Variants in ZNRF2 observed in about 807,000 individuals in gnomAD.
ZNRF2 encodes E3 ubiquitin-protein ligase ZNRF2.
A neutral mutation model predicts 20.4 loss-of-function variants in ZNRF2; 16 were observed. That is an observed-to-expected ratio of 0.79 (90% CI 0.53 to 1.19). ZNRF2 has a LOEUF of 1.19. Among genes scored for constraint, ZNRF2 ranks in the 50% most tolerant of loss-of-function variants. ZNRF2 has a pLI of 0.00. For missense variants in ZNRF2, 363 were observed against 332.4 expected, an observed-to-expected ratio of 1.09 and a Z score of -0.72; for synonymous variants, 178 against 144.9, an observed-to-expected ratio of 1.23 and a Z score of -1.64.
At chr7:30,358,914 A>C (rs1464823949) in intron 3 of ZNRF2, among the ~76,000 whole-genome samples, 1 of 152,222 alleles carries the variant, frequency 6.6e-6, no homozygotes, top group Non-Finnish European at 1.5e-5. Context: ...AAGACAATAG[A>C]AACAACTTCA....
intron 1 of ZNRF2, 92 bp downstream of exon 1, chr7:30,285,918 C>T (rs1021081696): frequency 7.5e-7 from 1 of 1,333,246 alleles, no homozygotes; most frequent in Non-Finnish European, 9.6e-7. Flanking sequence ...CTCCTTTTCT[C>T]CTTCTGCCGG....
intron 2 of ZNRF2, among the ~76,000 whole-genome samples, chr7:30,324,551 A>G (rs561324529): frequency 6.7e-6 from 1 of 148,542 alleles, no homozygotes; most frequent in South Asian, 2.1e-4. Flanking sequence ...TCTGTCTCAA[A>G]AAAAAAAAGA....
At chr7:30,332,613 G>A (rs1799653310) in intron 2 of ZNRF2, among the ~76,000 whole-genome samples, 1 of 152,148 alleles carries the variant, frequency 6.6e-6, no homozygotes, top group Non-Finnish European at 1.5e-5. Flanking sequence ...TTATAAGTGA[G>A]AACATGGCTG....
At chr7:30,333,882 A>AT (rs1583586603) in intron 2 of ZNRF2, among the ~76,000 whole-genome samples, 1 of 152,108 alleles carries the variant, frequency 6.6e-6, no homozygotes, top group Admixed American at 6.5e-5. Flanking sequence ...TTCCTTATAG[A>AT]TTCAGGATAT....
At chr7:30,327,717 A>T (rs1799576176) in intron 2 of ZNRF2, among the ~76,000 whole-genome samples, 1 of 151,948 alleles carries the variant, frequency 6.6e-6, no homozygotes, top group Admixed American at 6.6e-5. Context: ...TAGAGTCAGG[A>T]TCTTGCTGTG....
intron 1 of ZNRF2, among the ~76,000 whole-genome samples, chr7:30,296,177 G>T (rs779770781): frequency 9.2e-5 from 14 of 152,200 alleles, no homozygotes; most frequent in Non-Finnish European, 1.8e-4. Flanking sequence ...CTAGAAAGAA[G>T]TGGTAGGTTA....
chr7:30,361,145 A>G (rs42586), intron 3 of ZNRF2, among the ~76,000 whole-genome samples: 12,035 of 152,232 alleles, frequency 0.079, 667 homozygotes, highest in African/African-American at 0.15. Context: ...GAATTAACAC[A>G]TCTGGAGTAT....
chr7:30,364,156 G>A (rs932180407), intron 4 of ZNRF2, among the ~76,000 whole-genome samples: 1 of 152,142 alleles, frequency 6.6e-6, no homozygotes, highest in East Asian at 1.9e-4. Context: ...CTGTATTGGT[G>A]GAAGATGATT....
At chr7:30,333,549 T>C (rs1338357323) in intron 2 of ZNRF2, among the ~76,000 whole-genome samples, 2 of 151,874 alleles carry the variant, frequency 1.3e-5, no homozygotes, top group Non-Finnish European at 2.9e-5. Context: ...TTTGTATTTT[T>C]AGTAGAGGCA....
Position 30,285,311 on chromosome 7 carries a change from C to A in ZNRF2, c.-47C>A. 9.4e-7 allele frequency: 1 copy of A among 1,066,194 alleles called. No homozygotes were observed. Among genetic ancestry groups the A allele is most frequent in the Non-Finnish European group, 1.1e-6 (1 of 885,392 alleles). 66.0% of individuals were successfully genotyped at this position (1,066,194 alleles called of 1,614,324 possible). On this transcript the variant is annotated 5_prime_UTR_variant, in exon 1 of 5. Coordinates refer to ENST00000323037, the MANE Select transcript of ZNRF2 (RefSeq NM_147128.4). ...GCTCCCGCGCTCGCTCCCGCCCTCCCGGCTCTCGGGGCGCAGCGCGCGGGC... is the reference window on the plus strand; with the variant it reads ...GCTCCCGCGCTCGCTCCCGCCCTCCAGGCTCTCGGGGCGCAGCGCGCGGGC...
intron 1 of ZNRF2, among the ~76,000 whole-genome samples, chr7:30,299,880 T>C (rs1046663635): frequency 2.0e-5 from 3 of 149,452 alleles, no homozygotes; most frequent in Non-Finnish European, 4.4e-5. Context: ...CCCAAGTTCA[T>C]GCCATTCTCC....
intron 1 of ZNRF2, among the ~76,000 whole-genome samples, chr7:30,288,310 A>G (rs1031317947): frequency 6.6e-6 from 1 of 152,218 alleles, no homozygotes; most frequent in Non-Finnish European, 1.5e-5. Context: ...AATTAGTGGA[A>G]AGTTCGTATT....
At chr7:30,288,110 A>G (rs1247391750) in intron 1 of ZNRF2, among the ~76,000 whole-genome samples, 1 of 152,194 alleles carries the variant, frequency 6.6e-6, no homozygotes, top group Non-Finnish European at 1.5e-5. Context: ...CAATAGAAGC[A>G]TGTTTCTCAT....
Position 30,286,887 on chromosome 7 carries a change from A to ATAT in ZNRF2, c.469+1063_469+1065dup, listed in dbSNP as rs1308976163. Among the ~76,000 whole-genome samples the ATAT allele has an allele frequency of 2.6e-5, 4 of 152,322 alleles. No individual in the cohort carries two copies. The East Asian group carries it at 7.7e-4, about 29-fold the overall frequency. On this transcript the variant is annotated intron_variant, in intron 1 of 4. Coordinates refer to ENST00000323037, the MANE Select transcript of ZNRF2 (RefSeq NM_147128.4). ...ACATTTTTGTGCCGCTTTTACTTAT[A>ATAT]TATTTGTAAACGTAGGAACTTTGGA... is the stretch of plus-strand genomic sequence containing the variant.
At chr7:30,352,421 C>A (rs1000143331) in intron 2 of ZNRF2, among the ~76,000 whole-genome samples, 2 of 151,968 alleles carry the variant, frequency 1.3e-5, no homozygotes, top group Non-Finnish European at 1.5e-5. Context: ...TGCTCTTTTC[C>A]AGTCTTTTAA....
At position 30,361,870 on chromosome 7, in the gene ZNRF2, G is replaced by T. The variant is rs763547054; in HGVS notation, c.672-507G>T. On this transcript the variant is annotated intron_variant, in intron 3 of 4. Transcript: ENST00000323037. ...CATAAAATACTTCCTAAATACAAAT[G>T]ATTAATGTATATTTATTTGTGTATG... 2.6e-5 allele frequency among the ~76,000 whole-genome samples: 4 copies of T among 152,210 alleles called. No homozygotes were observed. In the South Asian group the frequency reaches 6.2e-4, roughly 24 times the overall value.
chr7:30,345,799 A>G (rs1277276710), intron 2 of ZNRF2, among the ~76,000 whole-genome samples: 1 of 152,036 alleles, frequency 6.6e-6, no homozygotes, highest in East Asian at 1.9e-4. Flanking sequence ...AGTTATTAGG[A>G]GATAATTTAG....
At chr7:30,306,307 T>A (rs986637215) in intron 1 of ZNRF2, among the ~76,000 whole-genome samples, 1 of 152,112 alleles carries the variant, frequency 6.6e-6, no homozygotes, top group Non-Finnish European at 1.5e-5. Context: ...AGAATAAAAT[T>A]CAGTCTTTTA....
chr7:30,323,239 G>T (rs1278765036), intron 1 of ZNRF2, among the ~76,000 whole-genome samples: 2 of 143,474 alleles, frequency 1.4e-5, no homozygotes, highest in African/African-American at 5.8e-5. Context: ...TATAAAACTT[G>T]TGACTCACAG....
Sources: allele counts gnomAD v4.1 joint callset (sites outside exome capture counted in the v4.1 genomes callset), GRCh38; gene constraint gnomAD v4.1.1; transcripts MANE v1.5; gene names NCBI Gene and HGNC (gene_info 2026-07-23, HGNC 2026-07-21).